Variants in FTO observed in about 807,000 individuals in gnomAD.
The protein encoded by FTO is alpha-ketoglutarate-dependent dioxygenase FTO.
In FTO, 47 loss-of-function variants were observed where a neutral mutation model predicts 63.9. The ratio of observed to expected loss-of-function variants is 0.74; its 90% CI spans 0.58 to 0.94. The LOEUF (loss-of-function observed/expected upper bound fraction) is 0.94. Ranked by LOEUF, FTO falls within the 40% of genes least tolerant of loss-of-function variation. The probability of loss-of-function intolerance (pLI) is 0.00; values close to 1 mark genes in which losing one functional copy is unlikely to be tolerated. For synonymous variants in FTO, 207 were observed against 224.4 expected (o/e 0.92, Z 0.69); for missense variants, 562 against 618.1 (o/e 0.91, Z 0.96).
chr16:53,745,359 A>G (rs1487932091), intron 1 of FTO, among the ~76,000 whole-genome samples: 5 of 152,196 alleles, frequency 3.3e-5, no homozygotes, highest in African/African-American at 9.7e-5. Context: ...CCCACTCCAC[A>G]TACCTTCTGC....
chr16:53,780,300 G>C (rs1315069979), intron 1 of FTO, among the ~76,000 whole-genome samples: 3 of 151,994 alleles, frequency 2.0e-5, no homozygotes, highest in Non-Finnish European at 2.9e-5. Flanking sequence ...TCCTGCTTGG[G>C]ACACTCTCTC....
chr16:54,065,928 T>G (rs1320524375), intron 8 of FTO, among the ~76,000 whole-genome samples: 2 of 152,254 alleles, frequency 1.3e-5, no homozygotes, highest in Non-Finnish European at 2.9e-5. Flanking sequence ...TGTTGGAAGC[T>G]ATCAGGAGGA....
At chr16:53,704,124 G>A, upstream of FTO, 1 of 1,496,846 alleles carries the variant, frequency 6.7e-7, no homozygotes, top group Non-Finnish European at 9.1e-7. Flanking sequence ...CATGCAGGAG[G>A]CGGGGTCCAG....
intron 8 of FTO, among the ~76,000 whole-genome samples, chr16:54,080,944 C>A (rs549913300): frequency 1.1e-4 from 16 of 152,272 alleles, no homozygotes; most frequent in African/African-American, 3.8e-4. Context: ...CCAAAAGATC[C>A]TGTTAAGGCA....
intron 4 of FTO, among the ~76,000 whole-genome samples, chr16:53,863,894 A>G (rs1056019272): frequency 2.0e-5 from 3 of 152,090 alleles, no homozygotes; most frequent in African/African-American, 2.4e-5. Context: ...TTCCACCTAT[A>G]CTATATTCAG....
intron 1 of FTO, among the ~76,000 whole-genome samples, chr16:53,805,303 T>C (rs1441422436): frequency 6.6e-6 from 1 of 152,206 alleles, no homozygotes; most frequent in Non-Finnish European, 1.5e-5. Context: ...ATGTAATTAC[T>C]GTAAGACTCT....
chr16:53,771,346 G>T (rs1317137749), intron 1 of FTO, among the ~76,000 whole-genome samples: 2 of 152,076 alleles, frequency 1.3e-5, no homozygotes, highest in African/African-American at 4.8e-5. Context: ...AAATTCTGTT[G>T]CATCTGTCTT....
chr16:53,799,512 A>G (rs919232512), intron 1 of FTO, among the ~76,000 whole-genome samples: 1 of 152,130 alleles, frequency 6.6e-6, no homozygotes, highest in Non-Finnish European at 1.5e-5. Context: ...GAATGGATGA[A>G]TGAATGAGGC....
chr16:53,716,737 G>A (rs1383428276), intron 1 of FTO, among the ~76,000 whole-genome samples: 1 of 151,546 alleles, frequency 6.6e-6, no homozygotes, highest in Non-Finnish European at 1.5e-5. Flanking sequence ...ATTTCTTAAT[G>A]AAATTTTTTT....
At chr16:53,899,293 A>G (rs2081346684) in intron 7 of FTO, among the ~76,000 whole-genome samples, 1 of 152,120 alleles carries the variant, frequency 6.6e-6, no homozygotes, top group Non-Finnish European at 1.5e-5. Flanking sequence ...CAGTGTTGCT[A>G]AAAGTTAGAA....
intron 1 of FTO, among the ~76,000 whole-genome samples, chr16:53,809,769 T>G (rs1210916672): frequency 6.6e-6 from 1 of 151,914 alleles, no homozygotes; most frequent in Non-Finnish European, 1.5e-5. Flanking sequence ...TAGCGAGACC[T>G]TGTCCCTACT....
intron 1 of FTO, among the ~76,000 whole-genome samples, chr16:53,785,682 C>T (rs1023319621): frequency 2.6e-5 from 4 of 151,874 alleles, no homozygotes; most frequent in African/African-American, 4.8e-5. Context: ...GAGGATGAGG[C>T]GGGTGGATCA....
chr16:53,923,891 G>A (rs2082070028), intron 7 of FTO, among the ~76,000 whole-genome samples: 1 of 151,970 alleles, frequency 6.6e-6, no homozygotes, highest in Non-Finnish European at 1.5e-5. Flanking sequence ...TTCTGCAGTG[G>A]CAGGCAGGCT....
intron 8 of FTO, among the ~76,000 whole-genome samples, chr16:54,106,909 G>A (rs1352248268): frequency 2.2e-5 from 3 of 136,090 alleles, no homozygotes; most frequent in East Asian, 2.1e-4. Context: ...TATAATACAC[G>A]ATATATAATA....
chr16:53,910,323 C>T (rs975049819), intron 7 of FTO, among the ~76,000 whole-genome samples: 2 of 152,062 alleles, frequency 1.3e-5, no homozygotes, highest in African/African-American at 2.4e-5. Context: ...GTTCTGGAGA[C>T]AGTGGTTGGA....
At chr16:53,877,260 T>A (rs947290660) in intron 5 of FTO, among the ~76,000 whole-genome samples, 1 of 152,216 alleles carries the variant, frequency 6.6e-6, no homozygotes, top group South Asian at 2.1e-4. Flanking sequence ...TCTACAGGAA[T>A]GTTCATAATC....
chr16:53,941,775 G>C (rs1185936160), intron 8 of FTO, among the ~76,000 whole-genome samples: 1 of 152,222 alleles, frequency 6.6e-6, no homozygotes, highest in East Asian at 1.9e-4. Context: ...CTTGAGCCCA[G>C]GAGGCAGAGG....
chr16:53,801,036 TAA>T (rs955482770), intron 1 of FTO, among the ~76,000 whole-genome samples: 18 of 152,116 alleles, frequency 1.2e-4, no homozygotes, highest in African/African-American at 4.3e-4. Flanking sequence ...ATACTGCTTT[TAA>T]AAAAATCCAA....
chr16:53,853,750 T>C (rs988225536), intron 4 of FTO, among the ~76,000 whole-genome samples: 11 of 152,232 alleles, frequency 7.2e-5, no homozygotes, highest in Admixed American at 2.0e-4. Flanking sequence ...GTTGATTCCA[T>C]ATCTTTGCAA....
Sources: gnomAD v4.1 joint callset for allele counts (sites outside exome capture counted in the v4.1 genomes callset) on GRCh38, gnomAD v4.1.1 for gene constraint, MANE v1.5 for transcripts, NCBI Gene and HGNC (gene_info 2026-07-23, HGNC 2026-07-21) for gene names.